The following ELF2 variants were observed in gnomAD, a reference collection of about 807,000 sequenced individuals.
ELF2 encodes the protein ETS-related transcription factor Elf-2.
A neutral mutation model predicts 54.8 loss-of-function variants in ELF2; 11 were observed. The observed-to-expected ratio is 0.20, with a 90% CI of 0.13 to 0.33. The LOEUF (loss-of-function observed/expected upper bound fraction) is 0.33, where lower values mean the gene tolerates loss of function less well. ELF2 is among the 10% of genes least tolerant of loss of function. ELF2 has a pLI of 1.00. For missense variants in ELF2, 513 were observed against 703.0 expected, an observed-to-expected ratio of 0.73 and a Z score of 3.06; for synonymous variants, 203 against 245.1, an observed-to-expected ratio of 0.83 and a Z score of 1.61.
At position 139,096,352 on chromosome 4, in the gene ELF2, G is replaced by A. The variant is rs553487385; in HGVS notation, c.239-22785C>T. 5.3e-5 allele frequency among the ~76,000 whole-genome samples: 8 copies of A among 151,914 alleles called. No homozygotes were observed. The East Asian group carries it at 1.4e-3, about 26-fold the overall frequency. ...TGGACTTTTTTTTTAATACTTCCAC[G>A]TTATAATGGACTTTATTTAAATGTG... is the stretch of plus-strand genomic sequence containing the variant. On this transcript the variant is annotated intron_variant, in intron 4 of 9. Coordinates refer to ENST00000686138, the MANE Select transcript of ELF2 (RefSeq NM_001331036.3).
At chr4:139,112,680 G>C (rs994992150) in intron 4 of ELF2, among the ~76,000 whole-genome samples, 14 of 152,036 alleles carry the variant, frequency 9.2e-5, no homozygotes, top group African/African-American at 1.9e-4. Flanking sequence ...GTATTATTTA[G>C]ATACACTGTT....
Position 139,125,237 on chromosome 4 carries a change from A to C in ELF2, c.165T>G (p.Val55=), listed in dbSNP as rs1431413929. 2 of 1,613,988 alleles carry C rather than the reference A, an allele frequency of 1.2e-6. No individual in the cohort carries two copies. The highest frequency in any genetic ancestry group is 8.5e-7 in the Non-Finnish European group (1 of 1,179,952). ...GCATCATATAAGTCTCATCATCATA[A>C]ACCAGAACCTGGGCTGCATAGCCCT... ...LEQGYAAQVL[V]YDDETYMMQD... Residue 55 remains valine, a synonymous_variant, in exon 4 of 10, where the codon GTT becomes GTG. Transcript: ENST00000686138.
intron 4 of ELF2, among the ~76,000 whole-genome samples, chr4:139,092,191 G>A (rs879817362): frequency 2.7e-5 from 4 of 150,542 alleles, no homozygotes; most frequent in African/African-American, 4.9e-5. Context: ...GTGAAACCTC[G>A]TCTCTACTAA....
chr4:139,125,332 A>G lies in ELF2; in HGVS notation c.73-3T>C, dbSNP rs200229663. 4.0e-5 allele frequency: 64 copies of G among 1,600,528 alleles called. No homozygotes were observed. Among genetic ancestry groups the G allele is most frequent in the Non-Finnish European group, 5.0e-5 (59 of 1,177,042 alleles). ...TATTCAGAAACCTTTTCACTTTCCT[A>G]TAAGAGCAAATTTAAAGAACAATCA... On this transcript the variant is annotated splice_region_variant and splice_polypyrimidine_tract_variant and intron_variant, in intron 3 of 9. Coordinates refer to ENST00000686138, the MANE Select transcript of ELF2 (RefSeq NM_001331036.3).
chr4:139,148,107 A>C (rs1199739375), intron 1 of ELF2, among the ~76,000 whole-genome samples: 1 of 150,548 alleles, frequency 6.6e-6, no homozygotes, highest in Non-Finnish European at 1.5e-5. Flanking sequence ...CCTTAAAAAA[A>C]AAAAAAAATT....
At chr4:139,155,404 C>T (rs2148891564) in intron 1 of ELF2, 1 of 152,326 alleles carries the variant, frequency 6.6e-6, no homozygotes, top group Non-Finnish European at 1.5e-5. Flanking sequence ...CAGAACAGCC[C>T]TTGCACTCCA....
chr4:139,088,705 G>C (rs2148750739), intron 4 of ELF2, among the ~76,000 whole-genome samples: 1 of 151,484 alleles, frequency 6.6e-6, no homozygotes, highest in Non-Finnish European at 1.5e-5. Context: ...CTCCAGAATG[G>C]TATTATCCCC....
intron 4 of ELF2, among the ~76,000 whole-genome samples, chr4:139,080,532 A>T (rs1730960456): frequency 6.6e-6 from 1 of 152,078 alleles, no homozygotes; most frequent in African/African-American, 2.4e-5. Context: ...TTCCAGAAAA[A>T]TTTCACCTTC....
intron 4 of ELF2, among the ~76,000 whole-genome samples, chr4:139,093,139 G>A (rs913027781): frequency 2.0e-5 from 3 of 151,668 alleles, no homozygotes; most frequent in African/African-American, 7.3e-5. Context: ...CTAATTTTTT[G>A]TATTTTTAGT....
chr4:139,082,222 T>C (rs1731215007), intron 4 of ELF2, among the ~76,000 whole-genome samples: 1 of 152,218 alleles, frequency 6.6e-6, no homozygotes, highest in Admixed American at 6.5e-5. Context: ...TCGCAGCCAC[T>C]GGAAACAACA....
intron 1 of ELF2, among the ~76,000 whole-genome samples, chr4:139,163,553 A>T (rs1741382817): frequency 6.6e-6 from 1 of 152,158 alleles, no homozygotes; most frequent in Non-Finnish European, 1.5e-5. Context: ...AAGCTAAAGG[A>T]CCAAGAATGT....
At chr4:139,108,182 T>G (rs756925481) in intron 4 of ELF2, among the ~76,000 whole-genome samples, 1 of 152,174 alleles carries the variant, frequency 6.6e-6, no homozygotes, top group East Asian at 1.9e-4. Flanking sequence ...GTATGAAGAA[T>G]GTATTGAGCT....
chr4:139,071,608 C>A (rs2148693500), intron 6 of ELF2, among the ~76,000 whole-genome samples: 1 of 152,082 alleles, frequency 6.6e-6, no homozygotes. Flanking sequence ...CTCTGATCTG[C>A]CTTCTGTGTG....
intron 7 of ELF2, among the ~76,000 whole-genome samples, chr4:139,062,870 T>C (rs1728087375): frequency 6.6e-6 from 1 of 152,204 alleles, no homozygotes; most frequent in Non-Finnish European, 1.5e-5. Flanking sequence ...CTGAGGTATA[T>C]GTATTATTAA....
intron 1 of ELF2, among the ~76,000 whole-genome samples, chr4:139,175,035 G>C (rs769027976): frequency 1.2e-4 from 18 of 152,158 alleles, no homozygotes; most frequent in Non-Finnish European, 2.4e-4. Flanking sequence ...CCACTGAATT[G>C]TTCACCTGCA....
chr4:139,121,768 C>T (rs2148829415), intron 4 of ELF2, among the ~76,000 whole-genome samples: 1 of 152,256 alleles, frequency 6.6e-6, no homozygotes, highest in South Asian at 2.1e-4. Context: ...ATTGTTATCA[C>T]AAGCAATTTA....
chr4:139,114,820 T>C lies in ELF2; in HGVS notation c.238+10344A>G, dbSNP rs539673628. The C allele has an allele frequency of 8.3e-5, 130 of 1,565,012 alleles. No individual in the cohort carries two copies. In the African/African-American group the frequency reaches 1.7e-3, roughly 20 times the overall value. On this transcript the variant is annotated intron_variant, in intron 4 of 9. Transcript: ENST00000686138. Reference sequence around the variant, plus strand: ...CCTGGGCCAGGGGCACGAGGAGCCCTGCTCATGGCACCAGGCCTGGCCGCA... The same window carrying C: ...CCTGGGCCAGGGGCACGAGGAGCCCCGCTCATGGCACCAGGCCTGGCCGCA...
Position 139,108,796 on chromosome 4 carries a change from G to A in ELF2, c.238+16368C>T, listed in dbSNP as rs72949620. 7.9e-3 allele frequency among the ~76,000 whole-genome samples: 1,200 copies of A among 152,070 alleles called. 21 individuals are homozygous for A. Among genetic ancestry groups the A allele is most frequent in the African/African-American group, 0.027 (1,121 of 41,480 alleles). ...GGGTAGAAAAAAAAATAAAAGAATCGAAGAACTGGTTGTTAAGGAAGGTCA... is the reference window on the plus strand; with the variant it reads ...GGGTAGAAAAAAAAATAAAAGAATCAAAGAACTGGTTGTTAAGGAAGGTCA... On this transcript the variant is annotated intron_variant, in intron 4 of 9. Transcript: ENST00000686138.
At chr4:139,169,972 T>C (rs892627109) in intron 1 of ELF2, among the ~76,000 whole-genome samples, 1 of 152,162 alleles carries the variant, frequency 6.6e-6, no homozygotes, top group Non-Finnish European at 1.5e-5. Flanking sequence ...TACTGCTTTC[T>C]TTCAGAGGGA....
Sources: gnomAD v4.1 joint callset for allele counts (sites outside exome capture counted in the v4.1 genomes callset) on GRCh38, gnomAD v4.1.1 for gene constraint, MANE v1.5 for transcripts, NCBI Gene and HGNC (gene_info 2026-07-23, HGNC 2026-07-21) for gene names.